MACROD1: variants seen among roughly 807,000 people sequenced by gnomAD.
The protein encoded by MACROD1 is ADP-ribose glycohydrolase MACROD1.
In MACROD1, 31 loss-of-function variants were observed where a neutral mutation model predicts 41.4. The observed-to-expected ratio is 0.75, with a 90% CI of 0.56 to 1.01. The LOEUF is 1.01. Ranked by LOEUF, MACROD1 falls within the 50% of genes least tolerant of loss-of-function variation. The pLI is 0.00. For synonymous variants in MACROD1, 252 were observed against 203.4 expected (o/e 1.24, Z -2.03); for missense variants, 473 against 460.0 (o/e 1.03, Z -0.26).
At chr11:64,069,533 T>C (rs543886590) in intron 3 of MACROD1, among the ~76,000 whole-genome samples, 2 of 152,182 alleles carry the variant, frequency 1.3e-5, no homozygotes, top group Admixed American at 6.5e-5. Context: ...CAGGAAGCCT[T>C]TGTGGGGAGG....
chr11:64,096,359 C>T lies in MACROD1; in HGVS notation c.517+54880G>A, dbSNP rs1044848411. On this transcript the variant is annotated intron_variant, in intron 3 of 10. Transcript: ENST00000255681. The surrounding 1 kb of genome is among the most constrained non-coding windows in gnomAD (Gnocchi z 4.6). ...CACGGTCCCTAATGGGCACGGGCGA[C>T]GCATTACAGTGAGGTCTGCCAGGTA... Among the ~76,000 whole-genome samples, 1 of 151,954 alleles carries T rather than the reference C, an allele frequency of 6.6e-6. No homozygotes were observed. The highest frequency in any genetic ancestry group is 6.5e-5 in the Admixed American group (1 of 15,272).
At chr11:64,137,915 TC>T (rs1301662601) in intron 3 of MACROD1, among the ~76,000 whole-genome samples, 6 of 152,234 alleles carry the variant, frequency 3.9e-5, no homozygotes, top group African/African-American at 1.4e-4. Context: ...ATTTTACTGT[TC>T]CTATTTTTCA....
chr11:64,042,093 G>C (rs1590827972), intron 3 of MACROD1, among the ~76,000 whole-genome samples: 2 of 152,260 alleles, frequency 1.3e-5, no homozygotes, highest in African/African-American at 2.4e-5. Context: ...GGTGGCGGTG[G>C]CCCAGTCCAG....
Position 64,064,483 on chromosome 11 carries a change from G to T in MACROD1, c.518-49202C>A, listed in dbSNP as rs1447691293. On this transcript the variant is annotated intron_variant, in intron 3 of 10. Coordinates refer to ENST00000255681, the MANE Select transcript of MACROD1 (RefSeq NM_014067.4). The surrounding 1 kb of genome is among the most constrained non-coding windows in gnomAD (Gnocchi z 4.5). The stretch of plus-strand genomic sequence containing the variant: ...CTTGGCCAAAGAACCGGAGGCCTCA[G>T]GCCTGCCCCGGATGGGCACGCAGGC... Among the ~76,000 whole-genome samples the T allele has an allele frequency of 1.3e-5, 2 of 152,148 alleles. No homozygotes were observed. The highest frequency in any genetic ancestry group is 4.8e-5 in the African/African-American group (2 of 41,448).
At chr11:64,161,222 C>T (rs1476753531) in intron 1 of MACROD1, among the ~76,000 whole-genome samples, 6 of 152,066 alleles carry the variant, frequency 3.9e-5, no homozygotes, top group East Asian at 1.9e-4. Context: ...AGCTGTGGTA[C>T]GTTCATATGC....
At chr11:64,052,972 G>A (rs1459014612) in intron 3 of MACROD1, among the ~76,000 whole-genome samples, 1 of 152,252 alleles carries the variant, frequency 6.6e-6, no homozygotes, top group Non-Finnish European at 1.5e-5. Context: ...ACCCCTGGCT[G>A]CAACCTGCCT....
At chr11:64,032,484 C>T (rs1052703717) in intron 3 of MACROD1, among the ~76,000 whole-genome samples, 4 of 152,102 alleles carry the variant, frequency 2.6e-5, no homozygotes, top group African/African-American at 7.2e-5. Context: ...AAGGATGCTT[C>T]GGGCAGGGCC....
chr11:64,045,730 T>A (rs1266204319), intron 3 of MACROD1, among the ~76,000 whole-genome samples: 1 of 152,176 alleles, frequency 6.6e-6, no homozygotes, highest in Non-Finnish European at 1.5e-5. Flanking sequence ...TACCCCTGGA[T>A]GCCAAAAACC....
intron 3 of MACROD1, among the ~76,000 whole-genome samples, chr11:64,050,498 T>G (rs1419079625): frequency 6.6e-6 from 1 of 152,196 alleles, no homozygotes; most frequent in Non-Finnish European, 1.5e-5. Flanking sequence ...CCATGGATGC[T>G]TCAGCCCCCA....
intron 3 of MACROD1, among the ~76,000 whole-genome samples, chr11:64,063,270 G>C (rs1321359813): frequency 6.6e-6 from 1 of 152,064 alleles, no homozygotes; most frequent in Non-Finnish European, 1.5e-5. Flanking sequence ...CAATATTAGC[G>C]CCCTCTTCCT....
intron 1 of MACROD1, among the ~76,000 whole-genome samples, chr11:64,163,668 C>G (rs1159756557): frequency 6.6e-6 from 1 of 152,230 alleles, no homozygotes; most frequent in Non-Finnish European, 1.5e-5. Flanking sequence ...CAGCCCTAAC[C>G]AAGTCCCACC....
At chr11:64,058,420 C>G (rs1209785614) in intron 3 of MACROD1, among the ~76,000 whole-genome samples, 1 of 152,244 alleles carries the variant, frequency 6.6e-6, no homozygotes, top group Non-Finnish European at 1.5e-5. Context: ...GGGTCCTCCC[C>G]TGTATGCCAG....
At chr11:64,001,189 G>A in intron 4 of MACROD1, 1 of 561,288 alleles carries the variant, frequency 1.8e-6, no homozygotes, top group Admixed American at 3.2e-5. Flanking sequence ...GCGCAGGAGA[G>A]GCGCGGCCTC....
intron 3 of MACROD1, among the ~76,000 whole-genome samples, chr11:64,068,031 A>T (rs927797153): frequency 6.6e-6 from 1 of 152,254 alleles, no homozygotes; most frequent in Non-Finnish European, 1.5e-5. Flanking sequence ...CTTGGGGGTT[A>T]TTTAACAAAT....
intron 3 of MACROD1, among the ~76,000 whole-genome samples, chr11:64,054,454 T>C (rs897040299): frequency 3.9e-5 from 6 of 152,082 alleles, no homozygotes; most frequent in African/African-American, 1.4e-4. Flanking sequence ...CCAGTAAATA[T>C]CAACAAAGTG....
At chr11:64,035,501 C>T (rs1249157749) in intron 3 of MACROD1, among the ~76,000 whole-genome samples, 1 of 152,114 alleles carries the variant, frequency 6.6e-6, no homozygotes, top group East Asian at 1.9e-4. Flanking sequence ...CTTTCTCCCC[C>T]GCCTCCACGG....
chr11:64,154,468 C>G (rs907342405), intron 1 of MACROD1, among the ~76,000 whole-genome samples: 7 of 152,086 alleles, frequency 4.6e-5, no homozygotes, highest in African/African-American at 1.7e-4. Context: ...CCCAGCTGAT[C>G]TCCGTGTGCA....
At chr11:64,133,450 A>G (rs1945292758) in intron 3 of MACROD1, among the ~76,000 whole-genome samples, 1 of 152,216 alleles carries the variant, frequency 6.6e-6, no homozygotes. Flanking sequence ...GTGAGAGGGC[A>G]GGAGGCCGAG....
chr11:64,017,021 G>A (rs556872647), intron 3 of MACROD1, among the ~76,000 whole-genome samples: 20 of 152,324 alleles, frequency 1.3e-4, no homozygotes, highest in African/African-American at 4.1e-4. Context: ...CCAGGCTGGA[G>A]TGCAGTGGCA....
Sources: gnomAD v4.1 joint callset for allele counts (sites outside exome capture counted in the v4.1 genomes callset) on GRCh38, gnomAD v4.1.1 for gene constraint, Gnocchi (gnomAD v3.1) non-coding constraint, MANE v1.5 for transcripts, NCBI Gene and HGNC (gene_info 2026-07-23, HGNC 2026-07-21) for gene names.